ZMYM2: variants seen among roughly 807,000 people sequenced by gnomAD.
The protein encoded by ZMYM2 is zinc finger MYM-type containing 2.
ZMYM2 carries 56 observed loss-of-function variants against 162.8 expected under a neutral mutation model. The ratio of observed to expected loss-of-function variants is 0.34; its 90% CI spans 0.28 to 0.43. The LOEUF (loss-of-function observed/expected upper bound fraction) is 0.43. Ranked by LOEUF, ZMYM2 falls within the 20% of genes least tolerant of loss-of-function variation. The pLI, the probability that ZMYM2 is intolerant of heterozygous loss-of-function variation, is 1.00. For synonymous variants in ZMYM2, 510 were observed against 541.6 expected (o/e 0.94, Z 0.81); for missense variants, 1,275 against 1,621.8 (o/e 0.79, Z 3.67).
At chr13:19,963,814 C>T (rs779494139) in intron 2 of ZMYM2, among the ~76,000 whole-genome samples, 19 of 152,152 alleles carry the variant, frequency 1.2e-4, no homozygotes, top group African/African-American at 4.1e-4. Context: ...AATGAATTTT[C>T]GTAAACATTT....
At chr13:19,933,179 T>C in the ZMYM2 span, among the ~76,000 whole-genome samples, 8 of 152,304 alleles carry the variant, frequency 5.3e-5, no homozygotes, top group African/African-American at 1.9e-4. Context: ...CTTGAACTCC[T>C]GGGCTCAAGT....
intron 3 of ZMYM2, among the ~76,000 whole-genome samples, chr13:19,996,728 CAAAA>C (rs200528657): frequency 6.6e-6 from 1 of 151,084 alleles, no homozygotes; most frequent in African/African-American, 2.4e-5. Flanking sequence ...AAAAACAAAA[CAAAA>C]AAAACTAGCC....
At chr13:19,896,929 T>C in the ZMYM2 span, among the ~76,000 whole-genome samples, 1 of 150,826 alleles carries the variant, frequency 6.6e-6, no homozygotes, top group Non-Finnish European at 1.5e-5. Flanking sequence ...AAAAATTAGC[T>C]GGGCGTGGTG....
At chr13:19,992,012 ACATTAAT>A (rs1594225804) in intron 2 of ZMYM2, among the ~76,000 whole-genome samples, 2 of 152,068 alleles carry the variant, frequency 1.3e-5, no homozygotes, top group African/African-American at 2.4e-5. Context: ...AAAATCCTTA[ACATTAAT>A]CATATCTGCA....
chr13:19,991,079 CTGTGTGTGTGTGTGTGTGTGTG>C (rs56666919), intron 2 of ZMYM2, among the ~76,000 whole-genome samples: 36 of 59,838 alleles, frequency 6.0e-4, no homozygotes, highest in African/African-American at 1.1e-3. Flanking sequence ...TATGTATTTT[CTGTGTGTGTGTGTGTGTGTGTG>C]TGTGTGTGTG....
At chr13:20,004,363 C>G (rs1434370640) in intron 4 of ZMYM2, among the ~76,000 whole-genome samples, 2 of 152,040 alleles carry the variant, frequency 1.3e-5, no homozygotes, top group South Asian at 4.2e-4. Flanking sequence ...TCATGCCGTT[C>G]TCCTGCCTCA....
At chr13:20,070,667 C>G (rs927608113) in intron 21 of ZMYM2, among the ~76,000 whole-genome samples, 1 of 152,042 alleles carries the variant, frequency 6.6e-6, no homozygotes, top group South Asian at 2.1e-4. Flanking sequence ...CACACCACCA[C>G]GCCCGGCTAA....
chr13:20,075,608 G>C (rs1280598282), intron 21 of ZMYM2, among the ~76,000 whole-genome samples: 2 of 142,128 alleles, frequency 1.4e-5, no homozygotes, highest in African/African-American at 5.4e-5. Flanking sequence ...TTCATACACT[G>C]TTTTACATAT....
chr13:19,927,916 A>G, the ZMYM2 span, among the ~76,000 whole-genome samples: 1 of 152,146 alleles, frequency 6.6e-6, no homozygotes, highest in Non-Finnish European at 1.5e-5. Context: ...TCTTTTAAAT[A>G]TATTTAATAT....
At chr13:19,997,028 CAGTG>C (rs755734463) in intron 3 of ZMYM2, among the ~76,000 whole-genome samples, 13 of 152,202 alleles carry the variant, frequency 8.5e-5, no homozygotes, top group Non-Finnish European at 1.8e-4. Flanking sequence ...CTGCGCAACA[CAGTG>C]AGACCCAATC....
chr13:20,084,914 G>T (rs1418366660), intron 24 of ZMYM2, among the ~76,000 whole-genome samples: 1 of 152,158 alleles, frequency 6.6e-6, no homozygotes, highest in African/African-American at 2.4e-5. Context: ...CAAGTTGAAT[G>T]CGCCTTATCC....
chr13:20,065,464 C>A (rs997781966), intron 19 of ZMYM2, among the ~76,000 whole-genome samples: 1 of 152,022 alleles, frequency 6.6e-6, no homozygotes, highest in Non-Finnish European at 1.5e-5. Context: ...TGGACTACAT[C>A]AAAATTAAAA....
chr13:19,967,770 G>A (rs182986751), intron 2 of ZMYM2, among the ~76,000 whole-genome samples: 1 of 152,276 alleles, frequency 6.6e-6, no homozygotes, highest in African/African-American at 2.4e-5. Flanking sequence ...TACAGGGTAT[G>A]CAGCTGGCCA....
chr13:20,045,961 G>T (rs1954741111), intron 12 of ZMYM2, among the ~76,000 whole-genome samples: 1 of 151,700 alleles, frequency 6.6e-6, no homozygotes, highest in Non-Finnish European at 1.5e-5. Context: ...TATTACTGGG[G>T]CTGGGTGCAG....
intron 3 of ZMYM2, among the ~76,000 whole-genome samples, chr13:19,995,108 G>T (rs949840745): frequency 6.6e-6 from 1 of 151,718 alleles, no homozygotes; most frequent in Non-Finnish European, 1.5e-5. Flanking sequence ...GCCTCCTAAA[G>T]TACTGGGATT....
chr13:19,898,112 C>A, the ZMYM2 span, among the ~76,000 whole-genome samples: 21,334 of 151,986 alleles, frequency 0.14, 1,860 homozygotes, highest in African/African-American at 0.25. Context: ...ACATGTCTTG[C>A]TACATTTTAA....
rs1956878295 is a variant in ZMYM2 at position 19,977,285 on chromosome 13, T to C, written c.-10-15778T>C. Among the ~76,000 whole-genome samples, 2 of 152,056 alleles carry C rather than the reference T, an allele frequency of 1.3e-5. 1 individual carries two copies. Among genetic ancestry groups the C allele is most frequent in the South Asian group, 4.1e-4 (2 of 4,824 alleles). On this transcript the variant is annotated intron_variant, in intron 2 of 24. Coordinates refer to ENST00000610343, the MANE Select transcript of ZMYM2 (RefSeq NM_197968.4). Reference sequence around the variant, plus strand: ...ATCCTGCTGCTTTCGGCTCCCAAAGTGTTGGGATTACAGGCATGAACCATG... The same window carrying C: ...ATCCTGCTGCTTTCGGCTCCCAAAGCGTTGGGATTACAGGCATGAACCATG...
chr13:19,872,008 T>C, the ZMYM2 span, among the ~76,000 whole-genome samples: 2 of 152,090 alleles, frequency 1.3e-5, no homozygotes, highest in East Asian at 3.9e-4. Context: ...CTCACTCTGT[T>C]ACCCTGGCTG....
Position 20,076,871 on chromosome 13 carries a change from CTG to C in ZMYM2, c.3454-5143_3454-5142del, listed in dbSNP as rs1460700226. ...ATTTTTTTTGAGACGGAGTTTCACTCTGTCACCCAGGCTGGAGTGCAGTGGTG... is the reference window on the plus strand; with the variant it reads ...ATTTTTTTTGAGACGGAGTTTCACTCTCACCCAGGCTGGAGTGCAGTGGTG... On this transcript the variant is annotated intron_variant, in intron 21 of 24. Coordinates refer to ENST00000610343, the MANE Select transcript of ZMYM2 (RefSeq NM_197968.4). 1.3e-5 allele frequency among the ~76,000 whole-genome samples: 2 copies of C among 150,204 alleles called. 1 individual carries two copies. The highest frequency in any genetic ancestry group is 5.0e-5 in the African/African-American group (2 of 39,614).
Sources: gnomAD v4.1 joint callset for allele counts (sites outside exome capture counted in the v4.1 genomes callset) on GRCh38, gnomAD v4.1.1 for gene constraint, MANE v1.5 for transcripts, NCBI Gene and HGNC (gene_info 2026-07-23, HGNC 2026-07-21) for gene names.